EXT1: variants seen among roughly 807,000 people sequenced by gnomAD.
EXT1 encodes exostosin glycosyltransferase 1.
A neutral mutation model predicts 82.5 loss-of-function variants in EXT1; 20 were observed. That is an observed-to-expected ratio of 0.24 (90% CI 0.17 to 0.35). The LOEUF (loss-of-function observed/expected upper bound fraction) is 0.35. EXT1 is among the 10% of genes least tolerant of loss of function. The pLI, the probability that EXT1 is intolerant of heterozygous loss-of-function variation, is 1.00. For synonymous variants in EXT1, 348 were observed against 350.8 expected (o/e 0.99, Z 0.09); for missense variants, 757 against 936.5 (o/e 0.81, Z 2.50).
intron 10 of EXT1, among the ~76,000 whole-genome samples, chr8:117,804,188 G>C (rs909772394): frequency 3.3e-5 from 5 of 152,136 alleles, no homozygotes; most frequent in African/African-American, 1.2e-4. Flanking sequence ...GGGATGATTA[G>C]GTCATGAGGG....
chr8:117,929,883 G>A (rs890646389), intron 1 of EXT1, among the ~76,000 whole-genome samples: 19 of 152,170 alleles, frequency 1.2e-4, no homozygotes, highest in African/African-American at 4.3e-4. Flanking sequence ...CAAGGCAGGC[G>A]TATCACCTGA....
intron 1 of EXT1, among the ~76,000 whole-genome samples, chr8:117,887,910 AC>A (rs1339620564): frequency 1.3e-5 from 2 of 150,308 alleles, no homozygotes; most frequent in African/African-American, 4.9e-5. Context: ...ACATGGAGAA[AC>A]CCTGCCTCTA....
intron 1 of EXT1, among the ~76,000 whole-genome samples, chr8:117,851,737 T>C (rs1004688547): frequency 6.6e-6 from 1 of 152,116 alleles, no homozygotes; most frequent in Admixed American, 6.6e-5. Context: ...GCAGTTCAGG[T>C]TGGCCTTCAC....
rs1330159513 is a variant in EXT1 at position 117,799,577 on chromosome 8, T to C, written c.*135A>G. On this transcript the variant is annotated 3_prime_UTR_variant, in exon 11 of 11. Coordinates refer to ENST00000378204, the MANE Select transcript of EXT1 (RefSeq NM_000127.3). The stretch of plus-strand genomic sequence containing the variant: ...TGAGTTCTCATTGGCCTTTTTTTTT[T>C]TGTCATTCTGCTCATCTAAGTTTTT... 2 of 1,007,864 alleles carry C rather than the reference T, an allele frequency of 2.0e-6. No homozygotes were observed. The highest frequency in any genetic ancestry group is 2.5e-5 in the East Asian group (1 of 39,844). The allele number at this position is 1,007,864 out of a possible 1,614,324, so 62.4% of individuals were successfully genotyped here.
chr8:117,971,892 T>C (rs1210651030), intron 1 of EXT1, among the ~76,000 whole-genome samples: 1 of 152,204 alleles, frequency 6.6e-6, no homozygotes, highest in Non-Finnish European at 1.5e-5. Flanking sequence ...GGCTCACGCC[T>C]GTAATCCCAG....
chr8:118,061,103 T>C (rs1348053584), intron 1 of EXT1, among the ~76,000 whole-genome samples: 2 of 152,182 alleles, frequency 1.3e-5, no homozygotes, highest in Non-Finnish European at 2.9e-5. Flanking sequence ...GTAAGTTAAT[T>C]CCCTTCTCCC....
intron 1 of EXT1, among the ~76,000 whole-genome samples, chr8:117,935,181 CAAG>C (rs1272475829): frequency 5.3e-5 from 8 of 152,150 alleles, no homozygotes; most frequent in African/African-American, 1.9e-4. Context: ...CCTGGGCTCT[CAAG>C]AAACAACACA....
chr8:117,867,880 T>C (rs1812801840), intron 1 of EXT1, among the ~76,000 whole-genome samples: 1 of 152,208 alleles, frequency 6.6e-6, no homozygotes, highest in South Asian at 2.1e-4. Context: ...ATAAGTTTAA[T>C]TCAACCCCCG....
At chr8:117,922,263 G>C (rs747857588) in intron 1 of EXT1, among the ~76,000 whole-genome samples, 2 of 152,078 alleles carry the variant, frequency 1.3e-5, no homozygotes, top group African/African-American at 2.4e-5. Context: ...ATTTAAAGAG[G>C]TCGATTAATT....
At chr8:117,824,844 CTTCT>C (rs1290824839) in intron 4 of EXT1, among the ~76,000 whole-genome samples, 3 of 151,762 alleles carry the variant, frequency 2.0e-5, no homozygotes, top group African/African-American at 7.3e-5. Context: ...TATTCTTCTT[CTTCT>C]TTTTCTTTTT....
chr8:117,981,334 C>T (rs1815198473), intron 1 of EXT1, among the ~76,000 whole-genome samples: 1 of 152,166 alleles, frequency 6.6e-6, no homozygotes, highest in Admixed American at 6.5e-5. Context: ...CAAAGGATTG[C>T]TAAGCAAATT....
At chr8:117,830,819 T>A (rs1812086121) in intron 3 of EXT1, among the ~76,000 whole-genome samples, 1 of 152,214 alleles carries the variant, frequency 6.6e-6, no homozygotes, top group Admixed American at 6.5e-5. Flanking sequence ...AGCCTTCCCA[T>A]CCAATCTGAA....
intron 1 of EXT1, among the ~76,000 whole-genome samples, chr8:117,842,761 T>C (rs1410455354): frequency 6.6e-6 from 1 of 152,258 alleles, no homozygotes; most frequent in Non-Finnish European, 1.5e-5. Flanking sequence ...CAGCTTCTAA[T>C]TGAAGGCTTT....
intron 1 of EXT1, among the ~76,000 whole-genome samples, chr8:117,854,121 A>C (rs948979773): frequency 4.6e-5 from 7 of 152,232 alleles, no homozygotes; most frequent in African/African-American, 1.2e-4. Context: ...TATGGTGACA[A>C]GTCCTTCCCA....
At chr8:117,867,260 GA>G (rs372575361) in intron 1 of EXT1, among the ~76,000 whole-genome samples, 78 of 98,824 alleles carry the variant, frequency 7.9e-4, no homozygotes, top group Non-Finnish European at 8.1e-4. Context: ...CTCCACCTCA[GA>G]AAAAAAAAAA....
At chr8:118,045,806 TC>T (rs1368551768) in intron 1 of EXT1, among the ~76,000 whole-genome samples, 1 of 151,858 alleles carries the variant, frequency 6.6e-6, no homozygotes, top group African/African-American at 2.4e-5. Context: ...TTTTTTCTTT[TC>T]TTTTTTGAGA....
At position 118,083,380 on chromosome 8, in the gene EXT1, T is replaced by C. The variant is rs1817364961; in HGVS notation, c.962+26705A>G. 2.6e-5 allele frequency among the ~76,000 whole-genome samples: 4 copies of C among 152,244 alleles called. No individual in the cohort carries two copies. The South Asian group carries it at 6.2e-4, about 24-fold the overall frequency. ...CATCGAGTCCCCATTGCTCCTATTA[T>C]ATCTGTTATGAATATATCTTCTTCT... On this transcript the variant is annotated intron_variant, in intron 1 of 10. Coordinates refer to ENST00000378204, the MANE Select transcript of EXT1 (RefSeq NM_000127.3).
At chr8:117,952,787 T>C (rs1586305841) in intron 1 of EXT1, among the ~76,000 whole-genome samples, 1 of 151,908 alleles carries the variant, frequency 6.6e-6, no homozygotes, top group Non-Finnish European at 1.5e-5. Flanking sequence ...AGGCATTTCA[T>C]AATAAAGCCT....
chr8:117,815,486 T>C (rs920178588), intron 7 of EXT1, among the ~76,000 whole-genome samples: 3 of 152,230 alleles, frequency 2.0e-5, no homozygotes, highest in Non-Finnish European at 4.4e-5. Context: ...GAGGCTTTTT[T>C]CAAACACATT....
Sources: allele counts gnomAD v4.1 joint callset (sites outside exome capture counted in the v4.1 genomes callset), GRCh38; gene constraint gnomAD v4.1.1; transcripts MANE v1.5; gene names NCBI Gene and HGNC (gene_info 2026-07-23, HGNC 2026-07-21).